Variants in LUZP1 observed in about 807,000 individuals in gnomAD.
LUZP1 encodes the protein filamin mechanobinding actin cross-linking protein.
In LUZP1, 25 loss-of-function variants were observed where a neutral mutation model predicts 71.3. The observed-to-expected ratio is 0.35, with a 90% CI of 0.26 to 0.49. The LOEUF is 0.49. LUZP1 is among the 20% of genes least tolerant of loss of function. The probability of loss-of-function intolerance (pLI) is 0.99; values close to 1 mark genes in which losing one functional copy is unlikely to be tolerated. For missense variants in LUZP1, 1,142 were observed against 1,300.8 expected, an observed-to-expected ratio of 0.88 and a Z score of 1.88; for synonymous variants, 481 against 506.4, an observed-to-expected ratio of 0.95 and a Z score of 0.67.
At chr1:23,126,810 C>T (rs1159792490) in intron 2 of LUZP1, among the ~76,000 whole-genome samples, 1 of 152,218 alleles carries the variant, frequency 6.6e-6, no homozygotes, top group Non-Finnish European at 1.5e-5. Context: ...CAGAGAGGCT[C>T]TCTGCTACCT....
At chr1:23,170,809 G>A (rs552990283) in intron 1 of LUZP1, among the ~76,000 whole-genome samples, 15 of 152,012 alleles carry the variant, frequency 9.9e-5, no homozygotes, top group African/African-American at 2.7e-4. Flanking sequence ...GACCAGGCGC[G>A]GTTGCTCATG....
chr1:23,119,024 C>G (rs1008156486), intron 2 of LUZP1, among the ~76,000 whole-genome samples: 3 of 152,158 alleles, frequency 2.0e-5, no homozygotes, highest in Admixed American at 1.3e-4. Flanking sequence ...AAAGAAAAAG[C>G]CACAGGTAGG....
intron 2 of LUZP1, among the ~76,000 whole-genome samples, chr1:23,146,155 C>T (rs1321366759): frequency 6.6e-6 from 1 of 152,048 alleles, no homozygotes; most frequent in Non-Finnish European, 1.5e-5. Context: ...CTCAGCTTCT[C>T]GAGTAGCTGG....
At chr1:23,155,753 C>T (rs1412209979) in intron 2 of LUZP1, among the ~76,000 whole-genome samples, 1 of 152,042 alleles carries the variant, frequency 6.6e-6, no homozygotes, top group Non-Finnish European at 1.5e-5. Flanking sequence ...GAGCCAAGAT[C>T]GTGCCATTGC....
chr1:23,138,663 TTGTGTGTGTGTG>T lies in LUZP1; in HGVS notation c.-225-29548_-225-29537del, dbSNP rs550739499. On this transcript the variant is annotated intron_variant, in intron 2 of 4. Coordinates refer to ENST00000302291, the Ensembl canonical transcript of LUZP1. ...TTTTTATGGTATATGGATTATGTGT[TTGTGTGTGTGTG>T]TGTGTGTGTGTGTGTGTGTGTGTAT... Among the ~76,000 whole-genome samples the T allele has an allele frequency of 9.8e-4, 123 of 125,680 alleles. 1 individual carries two copies. Among genetic ancestry groups the T allele is most frequent in the Non-Finnish European group, 1.5e-3 (94 of 61,844 alleles). 82.5% of individuals were successfully genotyped at this position (125,680 alleles called of 152,430 possible).
exon 5 of LUZP1, chr1:23,088,298 CA>C (rs1643798769): frequency 6.6e-6 from 1 of 152,620 alleles, no homozygotes; most frequent in Admixed American, 6.5e-5. Context: ...GGAGCCAGGT[CA>C]AACTTCAACC....
intron 3 of LUZP1, among the ~76,000 whole-genome samples, chr1:23,100,687 G>C (rs1222543097): frequency 6.6e-6 from 1 of 152,096 alleles, no homozygotes; most frequent in Non-Finnish European, 1.5e-5. Flanking sequence ...ATCCCCTTGG[G>C]GTCATTTAGG....
intron 2 of LUZP1, among the ~76,000 whole-genome samples, chr1:23,125,636 T>A (rs1644166521): frequency 6.6e-6 from 1 of 152,146 alleles, no homozygotes; most frequent in South Asian, 2.1e-4. Context: ...TTCCCAGGGA[T>A]GTGGCTAATA....
intron 2 of LUZP1, among the ~76,000 whole-genome samples, chr1:23,111,549 A>G (rs1644032855): frequency 6.6e-6 from 1 of 152,190 alleles, no homozygotes; most frequent in Non-Finnish European, 1.5e-5. Context: ...TGACAGAGTG[A>G]CGCTCTATAT....
intron 2 of LUZP1, among the ~76,000 whole-genome samples, chr1:23,139,019 A>AAATAT (rs1317355746): frequency 2.8e-4 from 17 of 59,950 alleles, no homozygotes; most frequent in South Asian, 1.6e-3. Flanking sequence ...AAAAAAAAAA[A>AAATAT]ATATATATAT....
At chr1:23,088,986 T>A (rs1191359092) in exon 5 of LUZP1, 20 of 1,614,132 alleles carry the variant, frequency 1.2e-5, no homozygotes, top group Non-Finnish European at 1.7e-5. Flanking sequence ...CCCAGGCAGT[T>A]CAGACGGATC....
chr1:23,103,875 GGAGGGAGAGAGGGAGA>G (rs1238185786), intron 3 of LUZP1, among the ~76,000 whole-genome samples: 1 of 9,874 alleles, frequency 1.0e-4, no homozygotes. Context: ...AGGGAGGGAG[GGAGGGAGAGAGGGAGA>G]GAGGGAGGGA....
At chr1:23,109,768 ATTTT>A (rs1008885102) in intron 2 of LUZP1, 1 of 152,100 alleles carries the variant, frequency 6.6e-6, no homozygotes, top group Non-Finnish European at 1.5e-5. Flanking sequence ...ACATGCAAAT[ATTTT>A]TTTTAAAAAT....
intron 3 of LUZP1, among the ~76,000 whole-genome samples, chr1:23,098,834 AG>A (rs1356313413): frequency 6.6e-6 from 1 of 152,234 alleles, no homozygotes; most frequent in Non-Finnish European, 1.5e-5. Flanking sequence ...TTGGGCCTGG[AG>A]GAGACGCCAA....
intron 3 of LUZP1, among the ~76,000 whole-genome samples, chr1:23,104,289 C>T (rs1643961795): frequency 6.6e-6 from 1 of 151,500 alleles, no homozygotes; most frequent in Non-Finnish European, 1.5e-5. Context: ...AAGGGATTCT[C>T]GAGAACTGCC....
At chr1:23,091,480 G>C in exon 4 of LUZP1, 1 of 1,614,078 alleles carries the variant, frequency 6.2e-7, no homozygotes, top group Non-Finnish European at 8.5e-7. Context: ...TTCAAGTCTC[G>C]CCTACTCTTC....
intron 1 of LUZP1, among the ~76,000 whole-genome samples, chr1:23,176,282 G>T (rs1644582237): frequency 6.6e-6 from 1 of 151,998 alleles, no homozygotes; most frequent in African/African-American, 2.4e-5. Flanking sequence ...GGCTGGTATT[G>T]AACTCTTGAC....
intron 2 of LUZP1, among the ~76,000 whole-genome samples, chr1:23,150,500 G>T (rs1458968528): frequency 6.6e-6 from 1 of 152,140 alleles, no homozygotes; most frequent in Non-Finnish European, 1.5e-5. Context: ...AAAAAATTAA[G>T]AACTTAGGAC....
intron 2 of LUZP1, among the ~76,000 whole-genome samples, chr1:23,147,763 T>C (rs554658488): frequency 6.6e-6 from 1 of 152,326 alleles, no homozygotes; most frequent in East Asian, 1.9e-4. Context: ...TGTAAACAAG[T>C]ATCTAAAAAA....
Sources: allele counts gnomAD v4.1 joint callset (sites outside exome capture counted in the v4.1 genomes callset), GRCh38; gene constraint gnomAD v4.1.1; transcripts MANE v1.5; gene names NCBI Gene and HGNC (gene_info 2026-07-23, HGNC 2026-07-21).